Variants in CDCA2 observed in about 807,000 individuals in gnomAD.
The protein encoded by CDCA2 is cell division cycle associated 2, also known as cell division cycle-associated protein 2.
In CDCA2, 44 loss-of-function variants were observed where a neutral mutation model predicts 67.0. That is an observed-to-expected ratio of 0.66 (90% CI 0.52 to 0.84). The LOEUF (loss-of-function observed/expected upper bound fraction) is 0.84. CDCA2 is among the 40% of genes least tolerant of loss of function. The pLI is 0.00. For synonymous variants in CDCA2, 447 were observed against 418.7 expected, an observed-to-expected ratio of 1.07 and a Z score of -0.82; for missense variants, 1,253 against 1,203.2, an observed-to-expected ratio of 1.04 and a Z score of -0.61.
rs115389802 is a variant in CDCA2, at chr8:25,465,929, A to G, written c.388-246A>G. On this transcript the variant is annotated intron_variant, in intron 4 of 14. Transcript: ENST00000330560. ...TTTTGTTGCACCATCCCAGAGCGCAATGTTTTTTTGGCACCTTCCATATAA... is the reference window on the plus strand; with the variant it reads ...TTTTGTTGCACCATCCCAGAGCGCAGTGTTTTTTTGGCACCTTCCATATAA... 5.9e-3 allele frequency among the ~76,000 whole-genome samples: 896 copies of G among 152,278 alleles called. 13 individuals are homozygous for G. The highest frequency in any genetic ancestry group is 0.021 in the African/African-American group (852 of 41,560).
rs1802893896 is a variant in CDCA2, at chr8:25,466,183, T to C, written c.396T>C (p.Pro132=). The C allele has an allele frequency of 1.9e-6, 3 of 1,610,056 alleles. No individual in the cohort carries two copies. The highest frequency in any genetic ancestry group is 2.5e-6 in the Non-Finnish European group (3 of 1,179,134). The change falls in exon 5 of 15, where the codon CCT becomes CCC. Residue 132 remains proline, a synonymous_variant. Transcript: ENST00000330560. ...LAQDSPSQGS[P]ALYRNVNTLR... ...ATTTTGCACTTTCACAGGGCAGCCC[T>C]GCACTGTATCGAAATGTTAACACTT...
Position 25,507,826 on chromosome 8 carries a change from TCA to T in CDCA2, c.*89_*90del. Reference sequence around the variant, plus strand: ...TCTAGTTCCCATTCTCTGTTCAACCTCAGTGTTTCAAAAGTTCCTAATAAATA... The same window carrying T: ...TCTAGTTCCCATTCTCTGTTCAACCTGTGTTTCAAAAGTTCCTAATAAATA... On this transcript the variant is annotated 3_prime_UTR_variant, in exon 15 of 15. Coordinates refer to ENST00000330560, the MANE Select transcript of CDCA2 (RefSeq NM_152562.4). 1 of 1,373,902 alleles carries T rather than the reference TCA, an allele frequency of 7.3e-7. No homozygotes were observed. Among genetic ancestry groups the T allele is most frequent in the South Asian group, 1.8e-5 (1 of 56,770 alleles). 85.1% of individuals were successfully genotyped at this position (1,373,902 alleles called of 1,614,324 possible). A position where few individuals can be genotyped will look rare whatever the true frequency, so the allele number is the denominator to read the frequency against.
intron 13 of CDCA2, among the ~76,000 whole-genome samples, chr8:25,497,352 G>A (rs6982261): frequency 1.3e-5 from 2 of 152,046 alleles, no homozygotes; most frequent in Admixed American, 6.6e-5. Flanking sequence ...AAATATGTGT[G>A]TACACACACA....
intron 14 of CDCA2, among the ~76,000 whole-genome samples, chr8:25,503,784 C>T (rs993998538): frequency 2.0e-5 from 3 of 152,100 alleles, no homozygotes; most frequent in East Asian, 1.9e-4. Context: ...CCAGGAAAAC[C>T]GAGACACAAG....
At chr8:25,497,055 T>C (rs1449864691) in intron 13 of CDCA2, among the ~76,000 whole-genome samples, 1 of 151,922 alleles carries the variant, frequency 6.6e-6, no homozygotes, top group South Asian at 2.1e-4. Flanking sequence ...TAAACTCTGG[T>C]GAGTGATGGT....
chr8:25,464,974 T>TAC (rs1295280397), intron 4 of CDCA2, among the ~76,000 whole-genome samples: 4 of 152,044 alleles, frequency 2.6e-5, no homozygotes, highest in Admixed American at 6.6e-5. Flanking sequence ...CTCCCTGTGA[T>TAC]ATATATATAT....
At chr8:25,480,610 G>A (rs1429550325) in intron 8 of CDCA2, among the ~76,000 whole-genome samples, 1 of 152,174 alleles carries the variant, frequency 6.6e-6, no homozygotes, top group Non-Finnish European at 1.5e-5. Context: ...GGCATTTATT[G>A]AGTAGTTTCT....
chr8:25,461,428 G>A (rs1367576409), intron 3 of CDCA2, among the ~76,000 whole-genome samples: 1 of 152,172 alleles, frequency 6.6e-6, no homozygotes, highest in African/African-American at 2.4e-5. Flanking sequence ...ATTTAGAATT[G>A]GAGGATAATG....
At chr8:25,460,818 G>A (rs888882888) in intron 3 of CDCA2, among the ~76,000 whole-genome samples, 3 of 152,156 alleles carry the variant, frequency 2.0e-5, no homozygotes, top group African/African-American at 7.2e-5. Flanking sequence ...TAATGTGTGT[G>A]TGAGTCACTT....
chr8:25,464,545 T>C (rs1802823966), intron 4 of CDCA2, among the ~76,000 whole-genome samples: 1 of 152,258 alleles, frequency 6.6e-6, no homozygotes, highest in Non-Finnish European at 1.5e-5. Flanking sequence ...ACATTTTGAA[T>C]GTTTCATTTG....
intron 7 of CDCA2, among the ~76,000 whole-genome samples, chr8:25,473,088 T>C (rs1163242821): frequency 6.6e-6 from 1 of 152,240 alleles, no homozygotes; most frequent in Non-Finnish European, 1.5e-5. Context: ...AGATTCCTCA[T>C]GTAGGTGAAA....
intron 7 of CDCA2, among the ~76,000 whole-genome samples, chr8:25,471,788 C>G (rs1208594941): frequency 6.6e-6 from 1 of 152,194 alleles, no homozygotes; most frequent in East Asian, 1.9e-4. Flanking sequence ...ACACCTCACT[C>G]TACAATGTGA....
intron 14 of CDCA2, among the ~76,000 whole-genome samples, chr8:25,504,527 C>T (rs1288324094): frequency 1.3e-5 from 2 of 152,076 alleles, no homozygotes; most frequent in Non-Finnish European, 2.9e-5. Context: ...TATAGCCTAC[C>T]TCCTATTTGC....
intron 13 of CDCA2, among the ~76,000 whole-genome samples, chr8:25,498,748 C>T (rs1011909389): frequency 6.6e-6 from 1 of 152,056 alleles, no homozygotes; most frequent in Non-Finnish European, 1.5e-5. Flanking sequence ...CCCCTGGCAA[C>T]CACTAATCTT....
At chr8:25,487,029 T>C (rs764973054) in intron 11 of CDCA2, among the ~76,000 whole-genome samples, 6 of 152,046 alleles carry the variant, frequency 3.9e-5, no homozygotes, top group Non-Finnish European at 5.9e-5. Flanking sequence ...GCAGTCACCA[T>C]GGAAAGTGGC....
At chr8:25,502,316 G>T (rs530869109) in intron 13 of CDCA2, among the ~76,000 whole-genome samples, 1 of 152,084 alleles carries the variant, frequency 6.6e-6, no homozygotes, top group Admixed American at 6.5e-5. Flanking sequence ...TTTCAGTACA[G>T]CATTTCCCCA....
In CDCA2 at chr8:25,460,571, T is replaced by C; in HGVS notation, c.232+17T>C. The C allele has an allele frequency of 6.2e-7, 1 of 1,604,948 alleles. No homozygotes were observed. The highest frequency in any genetic ancestry group is 8.5e-7 in the Non-Finnish European group (1 of 1,176,310). On this transcript the variant is annotated intron_variant, in intron 3 of 14. Coordinates refer to ENST00000330560, the MANE Select transcript of CDCA2 (RefSeq NM_152562.4). ...ACTCTGCAGGTAAGAAAAGTTGTCATTCTGTTGTAATGCTTTTCAAGTTTA... is the reference window on the plus strand; with the variant it reads ...ACTCTGCAGGTAAGAAAAGTTGTCACTCTGTTGTAATGCTTTTCAAGTTTA...
At chr8:25,459,691 G>A (rs1465934295) in intron 1 of CDCA2, among the ~76,000 whole-genome samples, 1 of 152,210 alleles carries the variant, frequency 6.6e-6, no homozygotes, top group Non-Finnish European at 1.5e-5. Context: ...CGGTTGAAAA[G>A]CCATGGCTTA....
intron 5 of CDCA2, among the ~76,000 whole-genome samples, chr8:25,467,452 TA>T (rs534619270): frequency 8.2e-4 from 125 of 152,346 alleles, no homozygotes; most frequent in African/African-American, 2.8e-3. Flanking sequence ...TCCTGGGTTT[TA>T]AAATTTATTT....
Sources: allele counts gnomAD v4.1 joint callset (sites outside exome capture counted in the v4.1 genomes callset), GRCh38; gene constraint gnomAD v4.1.1; transcripts MANE v1.5; gene names NCBI Gene and HGNC (gene_info 2026-07-23, HGNC 2026-07-21).